PARP16: variants seen among roughly 807,000 people sequenced by gnomAD.
PARP16 encodes protein mono-ADP-ribosyltransferase PARP16.
PARP16 carries 31 observed loss-of-function variants against 35.0 expected under a neutral mutation model. The observed-to-expected ratio is 0.88, with a 90% CI of 0.66 to 1.19. The LOEUF (loss-of-function observed/expected upper bound fraction) is 1.19. PARP16 is among the 50% of genes most tolerant of loss of function. The pLI is 0.00. For synonymous variants in PARP16, 162 were observed against 169.5 expected (o/e 0.96, Z 0.34); for missense variants, 424 against 411.2 (o/e 1.03, Z -0.27).
At chr15:65,236,901 G>A (rs1423796163) in intron 3 of PARP16, among the ~76,000 whole-genome samples, 1 of 151,440 alleles carries the variant, frequency 6.6e-6, no homozygotes, top group Non-Finnish European at 1.5e-5. Context: ...GAACCCTGGA[G>A]GCAGAGGTTG....
chr15:65,272,800 G>A (rs2090131624), intron 1 of PARP16, among the ~76,000 whole-genome samples: 2 of 152,116 alleles, frequency 1.3e-5, no homozygotes, highest in East Asian at 1.9e-4. Context: ...CTCCAACAAG[G>A]GCACCTCTCT....
intron 2 of PARP16, among the ~76,000 whole-genome samples, chr15:65,251,465 G>T (rs958549184): frequency 1.3e-5 from 2 of 152,134 alleles, no homozygotes; most frequent in Admixed American, 6.5e-5. Flanking sequence ...AGCACAACTG[G>T]ATTCAGTACT....
At chr15:65,255,106 AC>A (rs1596001310), downstream of PARP16, among the ~76,000 whole-genome samples, 1 of 151,994 alleles carries the variant, frequency 6.6e-6, no homozygotes, top group South Asian at 2.1e-4. Flanking sequence ...AACCACTTTC[AC>A]TTTTCCCAGA....
chr15:65,233,544 T>A (rs548756722), downstream of PARP16, among the ~76,000 whole-genome samples: 1 of 152,256 alleles, frequency 6.6e-6, no homozygotes, highest in South Asian at 2.1e-4. Flanking sequence ...GAGACCAACC[T>A]GGCCAACATG....
chr15:65,270,354 CA>C (rs2090054256), intron 2 of PARP16, among the ~76,000 whole-genome samples: 1 of 152,248 alleles, frequency 6.6e-6, no homozygotes, highest in African/African-American at 2.4e-5. Flanking sequence ...ATCAGCATCT[CA>C]ATTTATAAAT....
At chr15:65,235,309 C>A (rs115895813) in intron 3 of PARP16, among the ~76,000 whole-genome samples, 4,000 of 149,530 alleles carry the variant, frequency 0.027, 84 homozygotes, top group Non-Finnish European at 0.038. Context: ...TCCGTCCCCC[C>A]CAAAAAAAAT....
At chr15:65,252,144 C>T (rs999046053) in intron 2 of PARP16, among the ~76,000 whole-genome samples, 8 of 152,128 alleles carry the variant, frequency 5.3e-5, no homozygotes, top group African/African-American at 1.4e-4. Context: ...CAATGCTCTA[C>T]TTGTAGAGTG....
Position 65,259,282 on chromosome 15 carries a change from A to G in PARP16, c.*125T>C. On this transcript the variant is annotated 3_prime_UTR_variant, in exon 6 of 6. Transcript: ENST00000649807. ...AATGGATACATTTAGGCCATATGAA[A>G]ATTGTCCTGTGGTCCCCCAACTGGC... 2.3e-6 allele frequency: 2 copies of G among 857,212 alleles called. No individual in the cohort carries two copies. The highest frequency in any genetic ancestry group is 2.4e-5 in the East Asian group (1 of 41,338). 53.1% of individuals were successfully genotyped at this position (857,212 alleles called of 1,614,324 possible).
At chr15:65,262,948 C>G (rs543374378) in intron 4 of PARP16, among the ~76,000 whole-genome samples, 3 of 152,278 alleles carry the variant, frequency 2.0e-5, no homozygotes, top group South Asian at 4.1e-4. Flanking sequence ...CTACCTACCC[C>G]CTTGTAGTGA....
chr15:65,267,739 T>C (rs539185073), intron 2 of PARP16, among the ~76,000 whole-genome samples: 2 of 120,792 alleles, frequency 1.7e-5, no homozygotes, highest in South Asian at 5.7e-4. Flanking sequence ...CAGGCTGGAG[T>C]GCAGTGACGC....
At chr15:65,241,842 C>A (rs1319715987) in intron 3 of PARP16, among the ~76,000 whole-genome samples, 1 of 152,142 alleles carries the variant, frequency 6.6e-6, no homozygotes, top group African/African-American at 2.4e-5. Flanking sequence ...TTTTCTCCCA[C>A]CGACAGTTGT....
At chr15:65,257,136 G>A (rs2089537624), downstream of PARP16, among the ~76,000 whole-genome samples, 1 of 152,026 alleles carries the variant, frequency 6.6e-6, no homozygotes, top group African/African-American at 2.4e-5. Context: ...TACAAAAATG[G>A]CCGGGCATGG....
At chr15:65,248,255 G>A (rs1451630355) in intron 2 of PARP16, 5 of 456,340 alleles carry the variant, frequency 1.1e-5, no homozygotes, top group African/African-American at 2.0e-5. Context: ...CACAGAACAA[G>A]TACTTTAAAA....
chr15:65,258,290 C>T lies in PARP16; in HGVS notation c.*1117G>A, dbSNP rs1294230251. The T allele has an allele frequency of 6.6e-6, 1 of 152,232 alleles. No individual in the cohort carries two copies. The highest frequency in any genetic ancestry group is 1.5e-5 in the Non-Finnish European group (1 of 68,054). The allele number at this position is 152,232 out of a possible 1,614,324, so 9.4% of individuals were successfully genotyped here. On this transcript the variant is annotated 3_prime_UTR_variant, in exon 6 of 6. Transcript: ENST00000649807. ...AGCAGGAAGAAGGGAGCAGAGAATA[C>T]AGCAAGCAGGGCTCCGGCTCTCTGG...
chr15:65,265,534 A>C (rs1237940639), intron 3 of PARP16, among the ~76,000 whole-genome samples: 1 of 152,148 alleles, frequency 6.6e-6, no homozygotes, highest in Non-Finnish European at 1.5e-5. Context: ...TTGACTCATA[A>C]AAATGGGACA....
At chr15:65,245,151 A>G (rs2089174847) in intron 3 of PARP16, among the ~76,000 whole-genome samples, 1 of 152,200 alleles carries the variant, frequency 6.6e-6, no homozygotes. Context: ...GGGCTTTCAA[A>G]TCCCATGAAC....
chr15:65,251,781 T>C (rs1430743668), intron 2 of PARP16, among the ~76,000 whole-genome samples: 1 of 152,082 alleles, frequency 6.6e-6, no homozygotes, highest in Admixed American at 6.5e-5. Context: ...GTTTGCTTTT[T>C]TGAGATGGAA....
downstream of PARP16, among the ~76,000 whole-genome samples, chr15:65,232,980 C>G (rs548792393): frequency 2.6e-5 from 4 of 151,910 alleles, no homozygotes; most frequent in African/African-American, 9.7e-5. Context: ...CAGAGCAAAA[C>G]CTTGTCTCAA....
rs2089597893 is a variant in PARP16, at chr15:65,258,783, T to G, written c.*624A>C. On this transcript the variant is annotated 3_prime_UTR_variant, in exon 6 of 6. Coordinates refer to ENST00000649807, the MANE Select transcript of PARP16 (RefSeq NM_001316943.2). ...AAGTCTGTATTTTTTATCAGGCCCC[T>G]GACTCCTTTCTTTCTCATCCATGGT... The G allele has an allele frequency of 6.6e-6, 1 of 152,670 alleles. No individual in the cohort carries two copies. Among genetic ancestry groups the G allele is most frequent in the East Asian group, 1.9e-4 (1 of 5,206 alleles). 9.5% of individuals were successfully genotyped at this position (152,670 alleles called of 1,614,324 possible). A position where few individuals can be genotyped will look rare whatever the true frequency, so the allele number is the denominator to read the frequency against.
Sources: gnomAD v4.1 joint callset for allele counts (sites outside exome capture counted in the v4.1 genomes callset) on GRCh38, gnomAD v4.1.1 for gene constraint, MANE v1.5 for transcripts, NCBI Gene and HGNC (gene_info 2026-07-23, HGNC 2026-07-21) for gene names.